OTUD7A: variants seen among roughly 807,000 people sequenced by gnomAD.
OTUD7A encodes OTU deubiquitinase 7A, also known as OTU domain-containing protein 7A.
OTUD7A carries 12 observed loss-of-function variants against 65.7 expected under a neutral mutation model. The observed-to-expected ratio is 0.18, with a 90% confidence interval of 0.12 to 0.30. The LOEUF (loss-of-function observed/expected upper bound fraction) is 0.30. Among genes scored for constraint, OTUD7A ranks in the 10% least tolerant of loss-of-function variants. The pLI, the probability that OTUD7A is intolerant of heterozygous loss-of-function variation, is 1.00. For synonymous variants in OTUD7A, 641 were observed against 586.3 expected (o/e 1.09, Z -1.35); for missense variants, 1,148 against 1,304.8 (o/e 0.88, Z 1.85).
chr15:31,785,882 T>C (rs1895660155), intron 1 of OTUD7A, among the ~76,000 whole-genome samples: 1 of 152,204 alleles, frequency 6.6e-6, no homozygotes, highest in South Asian at 2.1e-4. Context: ...GCAGGTATGG[T>C]GCTATGGTTT....
chr15:31,723,179 C>T (rs1566989071), intron 1 of OTUD7A, among the ~76,000 whole-genome samples: 3 of 152,304 alleles, frequency 2.0e-5, no homozygotes, highest in Admixed American at 6.5e-5. Flanking sequence ...CCTGAGAACT[C>T]GGGATGGCTG....
At chr15:31,825,234 T>C (rs2140976846) in intron 1 of OTUD7A, among the ~76,000 whole-genome samples, 1 of 152,368 alleles carries the variant, frequency 6.6e-6, no homozygotes, top group Admixed American at 6.5e-5. Flanking sequence ...AAGACATACC[T>C]GAGACTGCGC....
chr15:31,677,668 A>G (rs1279619915), intron 1 of OTUD7A, among the ~76,000 whole-genome samples: 3 of 152,188 alleles, frequency 2.0e-5, no homozygotes, highest in African/African-American at 4.8e-5. Context: ...TTCCACCATG[A>G]TTGTAAGTTT....
chr15:31,629,279 T>C (rs868606218), intron 3 of OTUD7A, among the ~76,000 whole-genome samples: 6 of 152,212 alleles, frequency 3.9e-5, no homozygotes, highest in African/African-American at 1.4e-4. Flanking sequence ...CAATACCTAA[T>C]TTATTGAGAG....
At chr15:31,723,531 A>G (rs1305555975) in intron 1 of OTUD7A, among the ~76,000 whole-genome samples, 1 of 142,690 alleles carries the variant, frequency 7.0e-6, no homozygotes, top group African/African-American at 2.6e-5. Flanking sequence ...AACTTTTTCA[A>G]TGATATAATT....
intron 3 of OTUD7A, among the ~76,000 whole-genome samples, chr15:31,609,144 G>C (rs967321711): frequency 4.6e-5 from 7 of 152,336 alleles, no homozygotes; most frequent in Admixed American, 3.9e-4. Context: ...ACAGGGATCG[G>C]GGGGCAGTCA....
Position 31,482,808 on chromosome 15 carries a change from G to A in OTUD7A, c.*486C>T, listed in dbSNP as rs1422780811. 6.6e-6 allele frequency: 1 copy of A among 152,114 alleles called. No individual in the cohort carries two copies. The highest frequency in any genetic ancestry group is 1.5e-5 in the Non-Finnish European group (1 of 68,024). The allele number at this position is 152,114 out of a possible 1,614,324, so 9.4% of individuals were successfully genotyped here. ...TAGGCCTCGGGATGGGAGGCAGGTA[G>A]AGCTCACAGAGGAGCCTCCACCGCA... On this transcript the variant is annotated 3_prime_UTR_variant, in exon 13 of 13. Coordinates refer to ENST00000307050, the MANE Select transcript of OTUD7A (RefSeq NM_001382637.1).
At chr15:31,659,468 T>C (rs972961777) in intron 1 of OTUD7A, among the ~76,000 whole-genome samples, 2 of 152,224 alleles carry the variant, frequency 1.3e-5, no homozygotes, top group African/African-American at 4.8e-5. Context: ...CTGCAGAATC[T>C]AAGAGGGTGC....
chr15:31,793,765 C>G (rs1895880014), intron 1 of OTUD7A, among the ~76,000 whole-genome samples: 1 of 152,188 alleles, frequency 6.6e-6, no homozygotes, highest in South Asian at 2.1e-4. Context: ...TGCTTTTTAG[C>G]CCTGTGGCTT....
At chr15:31,537,427 C>G (rs1052660483) in intron 5 of OTUD7A, among the ~76,000 whole-genome samples, 3 of 152,180 alleles carry the variant, frequency 2.0e-5, no homozygotes, top group African/African-American at 7.2e-5. Context: ...AATGCTTACA[C>G]TAACAAATTG....
chr15:31,639,224 G>C (rs1891439930), intron 3 of OTUD7A, among the ~76,000 whole-genome samples: 2 of 152,046 alleles, frequency 1.3e-5, no homozygotes, highest in Admixed American at 1.3e-4. Context: ...AGATCACTAT[G>C]CATTTCCTAG....
At chr15:31,843,420 T>C (rs1277055049) in intron 1 of OTUD7A, among the ~76,000 whole-genome samples, 1 of 152,142 alleles carries the variant, frequency 6.6e-6, no homozygotes, top group Non-Finnish European at 1.5e-5. Context: ...TTATTTCTTT[T>C]GACAGTGATT....
chr15:31,828,938 T>C (rs1341555095), intron 1 of OTUD7A, among the ~76,000 whole-genome samples: 2 of 152,122 alleles, frequency 1.3e-5, no homozygotes, highest in Non-Finnish European at 2.9e-5. Context: ...TGCCTCTGAG[T>C]GTCCATGCAT....
chr15:31,734,401 G>C (rs370855754), intron 1 of OTUD7A, among the ~76,000 whole-genome samples: 136 of 152,134 alleles, frequency 8.9e-4, no homozygotes, highest in African/African-American at 2.9e-3. Context: ...CTAGAAAAAA[G>C]TATCTTAAAT....
Position 31,869,060 on chromosome 15 carries a change from G to A in OTUD7A, c.-100+1447C>T, listed in dbSNP as rs1202233905. On this transcript the variant is annotated intron_variant, in intron 1 of 12. Coordinates refer to ENST00000307050, the MANE Select transcript of OTUD7A (RefSeq NM_001382637.1). ...TTTGTCCCTTATTGGATATCCTTTCGATATGATAGGCTTGAGTAGATACTC... is the reference window on the plus strand; with the variant it reads ...TTTGTCCCTTATTGGATATCCTTTCAATATGATAGGCTTGAGTAGATACTC... 3.3e-5 allele frequency among the ~76,000 whole-genome samples: 5 copies of A among 152,136 alleles called. No homozygotes were observed. The South Asian group carries it at 6.2e-4, about 19-fold the overall frequency.
At chr15:31,821,512 T>A (rs936013527) in intron 1 of OTUD7A, among the ~76,000 whole-genome samples, 4 of 152,064 alleles carry the variant, frequency 2.6e-5, no homozygotes, top group Admixed American at 2.0e-4. Context: ...TATTACATTT[T>A]ATTTAACCAT....
intron 1 of OTUD7A, among the ~76,000 whole-genome samples, chr15:31,748,992 C>A (rs1438867612): frequency 1.3e-5 from 2 of 152,096 alleles, no homozygotes; most frequent in African/African-American, 2.4e-5. Context: ...TTTGTAGGAA[C>A]ATGGATGAAG....
intron 6 of OTUD7A, among the ~76,000 whole-genome samples, chr15:31,528,432 T>C (rs1186425445): frequency 6.6e-6 from 1 of 152,232 alleles, no homozygotes; most frequent in East Asian, 1.9e-4. Context: ...GAGGGAACTG[T>C]GAGCCTCTGG....
intron 1 of OTUD7A, among the ~76,000 whole-genome samples, chr15:31,839,903 T>C (rs1237425949): frequency 6.6e-6 from 1 of 152,046 alleles, no homozygotes; most frequent in African/African-American, 2.4e-5. Flanking sequence ...ACTTAATAGA[T>C]ACAAAATATA....
Sources: gnomAD v4.1 joint callset for allele counts (sites outside exome capture counted in the v4.1 genomes callset) on GRCh38, gnomAD v4.1.1 for gene constraint, MANE v1.5 for transcripts, NCBI Gene and HGNC (gene_info 2026-07-23, HGNC 2026-07-21) for gene names.